The following ZIC4 variants were observed in gnomAD, a reference collection of about 807,000 sequenced individuals.
ZIC4 encodes the protein Zic family zinc finger 4, also known as zinc finger protein ZIC 4.
In ZIC4, 15 loss-of-function variants were observed where a neutral mutation model predicts 28.8. The observed-to-expected ratio is 0.52, with a 90% CI of 0.35 to 0.80. ZIC4 has a LOEUF of 0.80. Among genes scored for constraint, ZIC4 ranks in the 30% least tolerant of loss-of-function variants. ZIC4 has a pLI of 0.01. For synonymous variants in ZIC4, 220 were observed against 198.1 expected, an observed-to-expected ratio of 1.11 and a Z score of -0.93; for missense variants, 512 against 467.1, an observed-to-expected ratio of 1.10 and a Z score of -0.89.
intron 2 of ZIC4, among the ~76,000 whole-genome samples, chr3:147,401,338 C>T (rs2087161712): frequency 1.3e-5 from 2 of 152,276 alleles, no homozygotes; most frequent in South Asian, 4.2e-4. Flanking sequence ...AACAGCTGGG[C>T]TATTTTTCCA....
intron 2 of ZIC4, among the ~76,000 whole-genome samples, chr3:147,400,227 A>T (rs2087137211): frequency 6.6e-6 from 1 of 152,204 alleles, no homozygotes; most frequent in African/African-American, 2.4e-5. Flanking sequence ...TGGAATTCTA[A>T]CCACTGACTC....
chr3:147,396,385 T>TGGGGAGGCTCCTCGTGGAGGCCC lies in ZIC4; in HGVS notation c.132_154dup (p.Gln52ArgfsTer16). The TGGGGAGGCTCCTCGTGGAGGCCC allele has an allele frequency of 6.5e-7, 1 of 1,531,110 alleles. No individual in the cohort carries two copies. The allele number at this position is 1,531,110 out of a possible 1,614,324, so 94.8% of individuals were successfully genotyped here. On this transcript the variant is annotated frameshift_variant, in exon 3 of 5. Coordinates refer to ENST00000383075, the MANE Select transcript of ZIC4 (RefSeq NM_032153.6). LOFTEE classifies it high-confidence loss of function. This position sits in a 1 kb window ranked among gnomAD's most constrained non-coding sequence, Gnocchi z 4.2. ...ATTCAAAGGACGGCTGGGGGAGGCC[T>TGGGGAGGCTCCTCGTGGAGGCCC]GGGGAGGCTCCTCGTGGAGGCCCGG...
At chr3:147,391,521 G>A (rs2086919305) in intron 3 of ZIC4, 6 of 347,410 alleles carry the variant, frequency 1.7e-5, no homozygotes, top group South Asian at 1.0e-4. Flanking sequence ...TCTTAGTCGA[G>A]TTTCCATCCT....
rs1177213525 is a variant in ZIC4 at position 147,396,447 on chromosome 3, G to C, written c.93C>G (p.Gly31=). The C allele has an allele frequency of 1.3e-6, 2 of 1,519,596 alleles. No homozygotes were observed. Among genetic ancestry groups the C allele is most frequent in the Admixed American group, 2.3e-5 (1 of 44,058 alleles). 94.1% of individuals were successfully genotyped at this position (1,519,596 alleles called of 1,614,324 possible). A position where few individuals can be genotyped will look rare whatever the true frequency, so the allele number is the denominator to read the frequency against. Residue 31 remains glycine, a synonymous_variant, in exon 3 of 5, where the codon GGC becomes GGG. Transcript: ENST00000383075. This position sits in a 1 kb window ranked among gnomAD's most constrained non-coding sequence, Gnocchi z 4.2. ...KESSSSSGHH[G]PQLTAASSPS... Reference sequence around the variant, plus strand: ...GGCTGGAGGCGGCGGTGAGCTGGGGGCCATGGTGTCCAGAGCTGCTACCTG... The same window carrying C: ...GGCTGGAGGCGGCGGTGAGCTGGGGCCCATGGTGTCCAGAGCTGCTACCTG...
chr3:147,403,053 G>C (rs1292525083), intron 1 of ZIC4, among the ~76,000 whole-genome samples: 1 of 151,960 alleles, frequency 6.6e-6, no homozygotes, highest in Admixed American at 6.6e-5. Flanking sequence ...TCCCAGCTAG[G>C]CTTTTATTTG....
chr3:147,389,200 G>T, intron 4 of ZIC4: 1 of 367,728 alleles, frequency 2.7e-6, no homozygotes. Flanking sequence ...TTCACTAAAG[G>T]TGTATTTGGA....
At position 147,386,931 on chromosome 3, in the gene ZIC4, C is replaced by A. The variant is rs1472937994; in HGVS notation, c.*1928G>T. 1 of 152,150 alleles carries A rather than the reference C, an allele frequency of 6.6e-6. No homozygotes were observed. Among genetic ancestry groups the A allele is most frequent in the Non-Finnish European group, 1.5e-5 (1 of 68,038 alleles). The allele number at this position is 152,150 out of a possible 1,614,324, so 9.4% of individuals were successfully genotyped here. ...TTTAGCAGAGGTGGCTTTGAAGGAG[C>A]AGGAGATATTAACAATTGCTTGGCT... On this transcript the variant is annotated 3_prime_UTR_variant, in exon 5 of 5. Transcript: ENST00000383075.
rs1443096810 is a variant in ZIC4 at position 147,396,154 on chromosome 3, A to G, written c.386T>C (p.Ile129Thr). 1.9e-6 allele frequency: 3 copies of G among 1,614,038 alleles called. No homozygotes were observed. Among genetic ancestry groups the G allele is most frequent in the Non-Finnish European group, 2.5e-6 (3 of 1,180,048 alleles). Residue 129 changes from isoleucine (I) to threonine (T), a missense_variant, in exon 3 of 5, where the codon ATC becomes ACC. Around this residue, in one of 3 missense-constraint regions of ZIC4, gnomAD observed 310 missense variants for 256.5 expected, o/e 1.21. Transcript: ENST00000383075. This position sits in a 1 kb window ranked among gnomAD's most constrained non-coding sequence, Gnocchi z 4.2. ...YMRQPIKQEL[I>T]CKWLAADGTA... ...GCCGTCGGCCGCCAGCCACTTGCAGATGAGCTCCTGTTTGATGGGCTGGCG... is the reference window on the plus strand; with the variant it reads ...GCCGTCGGCCGCCAGCCACTTGCAGGTGAGCTCCTGTTTGATGGGCTGGCG...
In ZIC4 at chr3:147,386,420, A is replaced by G. The variant is rs897145815; in HGVS notation, c.*2439T>C. On this transcript the variant is annotated 3_prime_UTR_variant, in exon 5 of 5. Transcript: ENST00000383075. ...AATTCACATTCATTGCAATTATTAC[A>G]TTTTCTCATAAATTAGCAATATAAA... 6.5e-6 allele frequency: 1 copy of G among 152,674 alleles called. No individual in the cohort carries two copies. The highest frequency in any genetic ancestry group is 2.4e-5 in the African/African-American group (1 of 41,454). The allele number at this position is 152,674 out of a possible 1,614,324, so 9.5% of individuals were successfully genotyped here.
chr3:147,399,864 C>T (rs2087129055), intron 2 of ZIC4, among the ~76,000 whole-genome samples: 1 of 152,088 alleles, frequency 6.6e-6, no homozygotes, highest in Non-Finnish European at 1.5e-5. Context: ...CGGAGTTTCA[C>T]CATGTTAGCC....
intron 3 of ZIC4, chr3:147,392,152 G>T (rs919093071): frequency 9.1e-6 from 9 of 985,482 alleles, no homozygotes; most frequent in African/African-American, 8.7e-5. Flanking sequence ...GTCCTAAGAC[G>T]AGGGGTTGGC....
At chr3:147,397,465 C>A (rs1221151499) in intron 2 of ZIC4, among the ~76,000 whole-genome samples, 1 of 152,052 alleles carries the variant, frequency 6.6e-6, no homozygotes, top group Admixed American at 6.5e-5. Context: ...CGCTCTGACC[C>A]GGGCACAAAT....
At chr3:147,400,423 G>GCT (rs2087141636) in intron 2 of ZIC4, among the ~76,000 whole-genome samples, 2 of 152,210 alleles carry the variant, frequency 1.3e-5, no homozygotes, top group Non-Finnish European at 2.9e-5. Context: ...GCCCCATGGA[G>GCT]CTCCTTCCCA....
At chr3:147,397,198 G>A (rs1242443030) in intron 2 of ZIC4, 1 of 151,964 alleles carries the variant, frequency 6.6e-6, no homozygotes, top group Non-Finnish European at 1.5e-5. Context: ...GCAGCAGGGC[G>A]CGTTAGGAAG....
At chr3:147,402,199 G>C (rs2087178545) in intron 2 of ZIC4, among the ~76,000 whole-genome samples, 1 of 152,220 alleles carries the variant, frequency 6.6e-6, no homozygotes, top group Admixed American at 6.5e-5. Context: ...CAGAGCAGCT[G>C]TCAGTCACTC....
chr3:147,400,800 C>T (rs1317140041), intron 2 of ZIC4, among the ~76,000 whole-genome samples: 1 of 152,154 alleles, frequency 6.6e-6, no homozygotes, highest in African/African-American at 2.4e-5. Flanking sequence ...GCAGGGAACC[C>T]AGGCTACAGA....
At chr3:147,400,097 G>A (rs1341232482) in intron 2 of ZIC4, among the ~76,000 whole-genome samples, 1 of 152,144 alleles carries the variant, frequency 6.6e-6, no homozygotes, top group Admixed American at 6.5e-5. Flanking sequence ...TGAGTCTGTT[G>A]AACTTCTAAT....
intron 3 of ZIC4, chr3:147,393,512 C>T: frequency 5.0e-6 from 1 of 200,720 alleles, no homozygotes; most frequent in Non-Finnish European, 1.0e-5. Flanking sequence ...CGTCCTAGGC[C>T]CGGGGCTGCG....
At chr3:147,404,309 G>A in intron 1 of ZIC4, 2 of 1,405,594 alleles carry the variant, frequency 1.4e-6, no homozygotes, top group Non-Finnish European at 1.8e-6. Context: ...AGCCTTTTGT[G>A]CACTACAGAC....
Sources: gnomAD v4.1 joint callset for allele counts (sites outside exome capture counted in the v4.1 genomes callset) on GRCh38, gnomAD v4.1.1 for gene constraint, gnomAD v4.1.1 regional missense constraint, Gnocchi (gnomAD v3.1) non-coding constraint, MANE v1.5 for transcripts, NCBI Gene and HGNC (gene_info 2026-07-23, HGNC 2026-07-21) for gene names.